Variants in DIO1 observed in about 807,000 individuals in gnomAD.
DIO1 encodes the protein type I iodothyronine deiodinase.
A neutral mutation model predicts 25.9 loss-of-function variants in DIO1; 17 were observed. The ratio of observed to expected loss-of-function variants is 0.66; its 90% CI spans 0.45 to 0.98. The LOEUF is 0.98. Ranked by LOEUF, DIO1 falls within the 50% of genes least tolerant of loss-of-function variation. DIO1 has a pLI of 0.00. For missense variants in DIO1, 270 were observed against 310.4 expected (o/e 0.87, Z 0.98); for synonymous variants, 115 against 114.0 (o/e 1.01, Z -0.05).
At chr1:53,904,525 G>A in intron 1 of DIO1, 141 bp from the exon 2 acceptor site, 1 of 952,070 alleles carries the variant, frequency 1.1e-6, no homozygotes, top group Non-Finnish European at 1.6e-6. Context: ...CTAGGTGTCG[G>A]ACCCCAGTGC....
intron 2 of DIO1, 86 bp from the exon 3 acceptor site, chr1:53,906,009 A>G: frequency 7.8e-7 from 1 of 1,279,198 alleles, no homozygotes. Context: ...TCCTCTGAGA[A>G]CCTCAGTTAA....
intron 2 of DIO1, among the ~76,000 whole-genome samples, chr1:53,905,827 T>C (rs1651625021): frequency 6.6e-6 from 1 of 152,194 alleles, no homozygotes; most frequent in African/African-American, 2.4e-5. Context: ...CCCAAATGAT[T>C]CATGCACATT....
At chr1:53,906,010 C>A in intron 2 of DIO1, 85 bp from the exon 3 acceptor site, 2 of 1,306,198 alleles carry the variant, frequency 1.5e-6, no homozygotes, top group Non-Finnish European at 2.2e-6. Flanking sequence ...CCTCTGAGAA[C>A]CTCAGTTAAA....
chr1:53,896,006 T>C (rs1433376159), intron 1 of DIO1, among the ~76,000 whole-genome samples: 1 of 152,048 alleles, frequency 6.6e-6, no homozygotes, highest in African/African-American at 2.4e-5. Flanking sequence ...GCACCTCTCC[T>C]TGGACACTGC....
intron 2 of DIO1, among the ~76,000 whole-genome samples, chr1:53,905,165 A>ATTTTTT (rs1194459720): frequency 3.4e-5 from 4 of 119,004 alleles, no homozygotes; most frequent in African/African-American, 1.3e-4. Context: ...CCTTATGGCT[A>ATTTTTT]TTTTTTTTTT....
chr1:53,901,159 G>A (rs1230813781), intron 1 of DIO1, among the ~76,000 whole-genome samples: 1 of 151,760 alleles, frequency 6.6e-6, no homozygotes, highest in African/African-American at 2.4e-5. Context: ...CTTCTCCAGT[G>A]CCCCCTAACT....
intron 1 of DIO1, among the ~76,000 whole-genome samples, chr1:53,896,031 C>T (rs1345213226): frequency 6.6e-6 from 1 of 152,008 alleles, no homozygotes; most frequent in Non-Finnish European, 1.5e-5. Context: ...TCCTGCTCAG[C>T]ACCTGGTACC....
intron 3 of DIO1, among the ~76,000 whole-genome samples, chr1:53,908,096 C>T (rs1189957070): frequency 1.3e-5 from 2 of 151,730 alleles, no homozygotes; most frequent in African/African-American, 4.8e-5. Flanking sequence ...GTGGCATGTG[C>T]CTATAATCCC....
At chr1:53,904,592 T>C in intron 1 of DIO1, 74 bp from the exon 2 acceptor site, 1 of 1,551,626 alleles carries the variant, frequency 6.4e-7, no homozygotes, top group Non-Finnish European at 8.8e-7. Flanking sequence ...GAATTGAACA[T>C]AGGAGTGAAA....
intron 1 of DIO1, among the ~76,000 whole-genome samples, chr1:53,896,921 T>C (rs1651108968): frequency 6.6e-6 from 1 of 152,246 alleles, no homozygotes; most frequent in Non-Finnish European, 1.5e-5. Flanking sequence ...TGTTCATTCA[T>C]AATTTTAAAC....
chr1:53,906,072 G>C (rs116474429), intron 2 of DIO1, 23 bp from the exon 3 acceptor site: 2 of 1,612,562 alleles, frequency 1.2e-6, no homozygotes, highest in Non-Finnish European at 1.7e-6. Context: ...AATGGGACTC[G>C]GTGCCTGGCC....
chr1:53,909,894 T>C, intron 3 of DIO1, 37 bp from the exon 4 acceptor site: 1 of 1,608,396 alleles, frequency 6.2e-7, no homozygotes, highest in African/African-American at 1.3e-5. Context: ...TTGGAAATCC[T>C]TACAAGTTGG....
chr1:53,894,666 C>T lies in DIO1; in HGVS notation c.337+119C>T, dbSNP rs1650982555. 9.9e-6 allele frequency: 9 copies of T among 909,174 alleles called. No individual in the cohort carries two copies. In the South Asian group the frequency reaches 1.4e-4, roughly 14 times the overall value. The allele number at this position is 909,174 out of a possible 1,614,324, so 56.3% of individuals were successfully genotyped here. On this transcript the variant is annotated intron_variant, in intron 1 of 3. Transcript: ENST00000361921. This position sits in a 1 kb window ranked among gnomAD's most constrained non-coding sequence, Gnocchi z 4.9. ...ACTTTTGCTGCTCCTTTTGGACCTT[C>T]TTGTCCTCTTCCTGCTTCCTGAAAC...
chr1:53,894,486 C>T lies in DIO1; in HGVS notation c.276C>T (p.Ala92=). The T allele has an allele frequency of 6.2e-7, 1 of 1,614,150 alleles. No homozygotes were observed. The highest frequency in any genetic ancestry group is 8.5e-7 in the Non-Finnish European group (1 of 1,180,036). ...LEDTTELGGL[A]PNCPVVRLSG... ...ACACGACTGAGCTAGGGGGTCTGGC[C>T]CCAAACTGCCCGGTGGTCCGCCTCT... Residue 92 remains alanine (A), a synonymous_variant, in exon 1 of 4, where the codon GCC becomes GCT. Transcript: ENST00000361921. This position sits in a 1 kb window ranked among gnomAD's most constrained non-coding sequence, Gnocchi z 4.9.
intron 2 of DIO1, 60 bp from the exon 3 acceptor site, chr1:53,906,035 T>C: frequency 6.6e-7 from 1 of 1,522,620 alleles, no homozygotes; most frequent in Non-Finnish European, 9.1e-7. Flanking sequence ...AGGGGCTATT[T>C]AGTCTGCAGG....
intron 1 of DIO1, among the ~76,000 whole-genome samples, chr1:53,900,763 G>A (rs900242001): frequency 6.6e-6 from 1 of 151,970 alleles, no homozygotes; most frequent in Non-Finnish European, 1.5e-5. Context: ...TGTCAATTCT[G>A]CCTTCTCCCC....
At position 53,909,783 on chromosome 1, in the gene DIO1, G is replaced by A. The variant is rs149377932; in HGVS notation, c.682-148G>A. 1.5e-3 allele frequency: 1,069 copies of A among 714,798 alleles called. 12 individuals carry two copies. The highest frequency in any genetic ancestry group is 6.1e-3 in the Middle Eastern group (26 of 4,270). The allele number at this position is 714,798 out of a possible 1,614,324, so 44.3% of individuals were successfully genotyped here. A position where few individuals can be genotyped will look rare whatever the true frequency, so the allele number is the denominator to read the frequency against. ...GTACACACTTTCTCAACCACCTCAC[G>A]GTTGCATCTGCCATTGAATTAGCCA... On this transcript the variant is annotated intron_variant, in intron 3 of 3. Transcript: ENST00000361921.
Position 53,894,446 on chromosome 1 carries a change from G to C in DIO1, c.236G>C (p.Trp79Ser). The C allele has an allele frequency of 6.2e-7, 1 of 1,614,200 alleles. No individual in the cohort carries two copies. ...QYFWFVLKVR[W>S]QRLEDTTELG... ...TTCTGGTTCGTCTTGAAGGTCCGTT[G>C]GCAGCGACTAGAGGACACGACTGAG... Residue 79 changes from tryptophan (W) to serine (S), a missense_variant, in exon 1 of 4, where the codon TGG (tryptophan) becomes TCG (serine). Coordinates refer to ENST00000361921, the MANE Select transcript of DIO1 (RefSeq NM_000792.7). This position sits in a 1 kb window ranked among gnomAD's most constrained non-coding sequence, Gnocchi z 4.9.
intron 1 of DIO1, among the ~76,000 whole-genome samples, chr1:53,898,289 C>T (rs1468822487): frequency 6.6e-6 from 1 of 151,992 alleles, no homozygotes; most frequent in Non-Finnish European, 1.5e-5. Context: ...AAGTGGGGTC[C>T]CAGAGGCAGG....
Sources: gnomAD v4.1 joint callset for allele counts (sites outside exome capture counted in the v4.1 genomes callset) on GRCh38, gnomAD v4.1.1 for gene constraint, Gnocchi (gnomAD v3.1) non-coding constraint, MANE v1.5 for transcripts, NCBI Gene and HGNC (gene_info 2026-07-23, HGNC 2026-07-21) for gene names.